Variants in FHAD1 observed in about 807,000 individuals in gnomAD.
FHAD1 encodes forkhead-associated domain-containing protein 1.
A neutral mutation model predicts 191.3 loss-of-function variants in FHAD1; 146 were observed. The observed-to-expected ratio is 0.76, with a 90% CI of 0.67 to 0.88. FHAD1 has a LOEUF of 0.88. Ranked by LOEUF, FHAD1 falls within the 40% of genes least tolerant of loss-of-function variation. The pLI is 0.00. For missense variants in FHAD1, 1,635 were observed against 1,785.8 expected (o/e 0.92, Z 1.52); for synonymous variants, 616 against 672.3 (o/e 0.92, Z 1.29).
At chr1:15,334,564 C>A (rs1683193038) in intron 14 of FHAD1, 1 of 152,250 alleles carries the variant, frequency 6.6e-6, no homozygotes. Flanking sequence ...GCTGCGCCTC[C>A]ATTTACTTGC....
intron 10 of FHAD1, among the ~76,000 whole-genome samples, chr1:15,323,680 T>A (rs551607169): frequency 6.6e-6 from 1 of 152,260 alleles, no homozygotes; most frequent in East Asian, 1.9e-4. Flanking sequence ...TGTTCATGGT[T>A]CAGACATGAA....
intron 6 of FHAD1, among the ~76,000 whole-genome samples, chr1:15,304,802 C>G (rs1669895750): frequency 6.6e-6 from 1 of 152,104 alleles, no homozygotes; most frequent in African/African-American, 2.4e-5. Flanking sequence ...GTGACTGGTG[C>G]ACGAAATGGG....
At chr1:15,357,642 A>G (rs1463312472) in intron 20 of FHAD1, 2 of 150,152 alleles carry the variant, frequency 1.3e-5, no homozygotes, top group Non-Finnish European at 2.9e-5. Flanking sequence ...AAAAAAAAAA[A>G]AAAAAGGAGA....
At chr1:15,281,457 T>A (rs905420667) in intron 3 of FHAD1, among the ~76,000 whole-genome samples, 2 of 152,148 alleles carry the variant, frequency 1.3e-5, no homozygotes, top group Non-Finnish European at 1.5e-5. Flanking sequence ...GTTTTGTTTT[T>A]GTTTTTTAAT....
intron 15 of FHAD1, among the ~76,000 whole-genome samples, chr1:15,341,164 A>G (rs948977423): frequency 1.3e-5 from 2 of 152,234 alleles, no homozygotes; most frequent in Non-Finnish European, 2.9e-5. Context: ...CCTGGGCGAC[A>G]GAGCAAGACA....
At chr1:15,268,635 C>T (rs1398443542) in intron 2 of FHAD1, among the ~76,000 whole-genome samples, 1 of 149,688 alleles carries the variant, frequency 6.7e-6, no homozygotes, top group South Asian at 2.1e-4. Flanking sequence ...GTTCCTATTT[C>T]TCCACAACCT....
Position 15,313,203 on chromosome 1 carries a change from T to TCTA in FHAD1, c.1170+16_1170+17insCTA. On this transcript the variant is annotated intron_variant, in intron 8 of 33. Transcript: ENST00000688493. ...TGGCTCTAGAGTGAGTAAGGATGAC[T>TCTA]GCGTCACCTTGTAGCCATCCGGTGA... is the stretch of plus-strand genomic sequence containing the variant. 1 of 1,551,312 alleles carries TCTA rather than the reference T, an allele frequency of 6.4e-7. No individual in the cohort carries two copies. The highest frequency in any genetic ancestry group is 2.4e-5 in the East Asian group (1 of 40,906).
At chr1:15,298,578 G>C (rs1298852983) in intron 5 of FHAD1, among the ~76,000 whole-genome samples, 1 of 152,178 alleles carries the variant, frequency 6.6e-6, no homozygotes, top group Non-Finnish European at 1.5e-5. Flanking sequence ...AGAGGGCCAG[G>C]ACAGAAGCTG....
At chr1:15,357,341 T>A (rs956902370) in intron 20 of FHAD1, among the ~76,000 whole-genome samples, 1 of 152,098 alleles carries the variant, frequency 6.6e-6, no homozygotes, top group Non-Finnish European at 1.5e-5. Flanking sequence ...ATCAAAAGAA[T>A]GGGGCCAGGC....
Position 15,250,455 on chromosome 1 carries a change from A to G in FHAD1, c.-14-1316A>G, listed in dbSNP as rs532725947. Among the ~76,000 whole-genome samples, 584 of 152,348 alleles carry G rather than the reference A, an allele frequency of 3.8e-3. 5 individuals carry two copies. Among genetic ancestry groups the G allele is most frequent in the Non-Finnish European group, 3.9e-3 (268 of 68,024 alleles). The stretch of plus-strand genomic sequence containing the variant: ...GATGGTAGAATCTAGTGGTGGGTAC[A>G]TAGGAGCTCATTATCTGCTTCTTTC... On this transcript the variant is annotated intron_variant, in intron 1 of 33. Coordinates refer to ENST00000688493, the MANE Select transcript of FHAD1 (RefSeq NM_001391957.1).
chr1:15,357,915 A>C, intron 20 of FHAD1, 195 bp from the exon 21 acceptor site: 1 of 501,656 alleles, frequency 2.0e-6, no homozygotes, highest in Non-Finnish European at 3.5e-6. Flanking sequence ...AAGGAGACAG[A>C]TCTCCGCTGA....
At chr1:15,263,682 C>T (rs1289206261) in intron 2 of FHAD1, among the ~76,000 whole-genome samples, 2 of 151,812 alleles carry the variant, frequency 1.3e-5, no homozygotes, top group Admixed American at 6.6e-5. Context: ...CCACCACGCC[C>T]AACTAATTTT....
chr1:15,378,762 T>G (rs1282482865), intron 28 of FHAD1, among the ~76,000 whole-genome samples: 2 of 152,158 alleles, frequency 1.3e-5, no homozygotes, highest in African/African-American at 2.4e-5. Flanking sequence ...TGTTTTTATT[T>G]TTGTTTTTTT....
At chr1:15,247,800 C>T (rs1434486798) in intron 1 of FHAD1, among the ~76,000 whole-genome samples, 1 of 152,186 alleles carries the variant, frequency 6.6e-6, no homozygotes, top group African/African-American at 2.4e-5. Context: ...GGCTCCCAGG[C>T]CACTTAAGAT....
chr1:15,237,981 T>G (rs969790577), intron 1 of FHAD1, among the ~76,000 whole-genome samples: 1 of 151,782 alleles, frequency 6.6e-6, no homozygotes, highest in Non-Finnish European at 1.5e-5. Flanking sequence ...CCAGGCGCGG[T>G]GGCTCATGCC....
chr1:15,272,230 G>T, intron 2 of FHAD1, 93 bp from the exon 3 acceptor site: 1 of 1,130,878 alleles, frequency 8.8e-7, no homozygotes, highest in Non-Finnish European at 1.3e-6. Flanking sequence ...ATGATCTGGC[G>T]GCGGCAAAAC....
At chr1:15,391,584 C>G (rs961742960) in intron 33 of FHAD1, among the ~76,000 whole-genome samples, 5 of 152,210 alleles carry the variant, frequency 3.3e-5, no homozygotes, top group African/African-American at 1.2e-4. Context: ...TTGATCCAAT[C>G]CACACTCCTG....
At chr1:15,371,429 C>T (rs929731196) in intron 26 of FHAD1, among the ~76,000 whole-genome samples, 9 of 152,174 alleles carry the variant, frequency 5.9e-5, no homozygotes, top group African/African-American at 1.7e-4. Context: ...TTTCCTCCTT[C>T]GGGCTCCTTC....
At chr1:15,281,905 C>T (rs1270756039) in intron 3 of FHAD1, among the ~76,000 whole-genome samples, 1 of 151,996 alleles carries the variant, frequency 6.6e-6, no homozygotes, top group African/African-American at 2.4e-5. Context: ...ATTATTTACT[C>T]ATTCATGTAT....
Sources: allele counts gnomAD v4.1 joint callset (sites outside exome capture counted in the v4.1 genomes callset), GRCh38; gene constraint gnomAD v4.1.1; transcripts MANE v1.5; gene names NCBI Gene and HGNC (gene_info 2026-07-23, HGNC 2026-07-21).